The following NTM variants were observed in gnomAD, a reference collection of about 807,000 sequenced individuals.
NTM encodes neurotrimin.
NTM carries 13 observed loss-of-function variants against 42.1 expected under a neutral mutation model. The ratio of observed to expected loss-of-function variants is 0.31; its 90% CI spans 0.20 to 0.49. The LOEUF (loss-of-function observed/expected upper bound fraction) is 0.49. Among genes scored for constraint, NTM ranks in the 20% least tolerant of loss-of-function variants. The pLI, the probability that NTM is intolerant of heterozygous loss-of-function variation, is 0.99. For missense variants in NTM, 373 were observed against 452.8 expected, an observed-to-expected ratio of 0.82 and a Z score of 1.60; for synonymous variants, 187 against 179.2, an observed-to-expected ratio of 1.04 and a Z score of -0.35.
At chr11:131,463,757 T>C (rs1018720385) in intron 1 of NTM, among the ~76,000 whole-genome samples, 4 of 152,200 alleles carry the variant, frequency 2.6e-5, no homozygotes, top group Non-Finnish European at 4.4e-5. Context: ...GTGGAATCCA[T>C]GCTGGGGCAT....
At chr11:132,230,895 G>C (rs540332144) in intron 4 of NTM, among the ~76,000 whole-genome samples, 2 of 152,178 alleles carry the variant, frequency 1.3e-5, no homozygotes. Context: ...GTGGTGATGC[G>C]CACCTGCAGT....
chr11:131,586,281 C>G (rs1224661048), intron 1 of NTM, among the ~76,000 whole-genome samples: 1 of 152,074 alleles, frequency 6.6e-6, no homozygotes, highest in Non-Finnish European at 1.5e-5. Flanking sequence ...TATGTAGCCT[C>G]ATGTGATCCT....
At chr11:131,691,566 C>G (rs955127286) in intron 1 of NTM, among the ~76,000 whole-genome samples, 2 of 150,838 alleles carry the variant, frequency 1.3e-5, no homozygotes, top group Non-Finnish European at 2.9e-5. Flanking sequence ...AAGCCCCCCC[C>G]CGACTTCCCT....
At chr11:131,544,875 AGGTGGTTTGAGGAATAGGACAGGCCAC>A (rs1421589296) in intron 1 of NTM, among the ~76,000 whole-genome samples, 3 of 152,248 alleles carry the variant, frequency 2.0e-5, no homozygotes, top group East Asian at 3.9e-4. Context: ...CAGTGGGTGG[AGGTGGTTTGAGGAATAGGACAGGCCAC>A]GGTGGTTTCA....
chr11:131,697,956 C>A (rs1045870940), intron 1 of NTM, among the ~76,000 whole-genome samples: 1 of 152,094 alleles, frequency 6.6e-6, no homozygotes, highest in African/African-American at 2.4e-5. Flanking sequence ...TCTATATTTG[C>A]CTCTGTCAGG....
chr11:131,670,475 G>A (rs751263896), intron 1 of NTM, among the ~76,000 whole-genome samples: 37 of 151,988 alleles, frequency 2.4e-4, no homozygotes, highest in Non-Finnish European at 5.9e-5. Flanking sequence ...TTCTGTGGCT[G>A]TCTGTTTCGT....
At position 131,795,607 on chromosome 11, in the gene NTM, A is replaced by T; in HGVS notation, c.83-115957A>T. 3 of 985,440 alleles carry T rather than the reference A, an allele frequency of 3.0e-6. No individual in the cohort carries two copies. The South Asian group carries it at 1.4e-4, about 46-fold the overall frequency. The allele number at this position is 985,440 out of a possible 1,614,324, so 61.0% of individuals were successfully genotyped here. A position where few individuals can be genotyped will look rare whatever the true frequency, so the allele number is the denominator to read the frequency against. On this transcript the variant is annotated intron_variant, in intron 1 of 8. Transcript: ENST00000683400. ...GCGAGAACCCTGGTCCCACAGAGTCATGGGAGACCCTTGTAGGAGCTTGAT... is the reference window on the plus strand; with the variant it reads ...GCGAGAACCCTGGTCCCACAGAGTCTTGGGAGACCCTTGTAGGAGCTTGAT...
At chr11:131,838,164 C>A (rs1565613985) in intron 1 of NTM, among the ~76,000 whole-genome samples, 1 of 152,094 alleles carries the variant, frequency 6.6e-6, no homozygotes, top group African/African-American at 2.4e-5. Flanking sequence ...AAGGACGACT[C>A]GGTTCCAGCA....
intron 4 of NTM, among the ~76,000 whole-genome samples, chr11:132,296,643 C>A (rs1379440407): frequency 1.3e-5 from 2 of 152,188 alleles, no homozygotes; most frequent in Non-Finnish European, 2.9e-5. Flanking sequence ...TAATACATTG[C>A]ATTCTACCCA....
At chr11:131,767,083 G>T in intron 1 of NTM, 1 of 913,386 alleles carries the variant, frequency 1.1e-6, no homozygotes, top group Non-Finnish European at 1.3e-6. Context: ...GTCTGCTTTT[G>T]TACCTAGAAC....
intron 1 of NTM, among the ~76,000 whole-genome samples, chr11:131,557,862 A>G (rs1433821539): frequency 6.6e-6 from 1 of 152,224 alleles, no homozygotes; most frequent in Non-Finnish European, 1.5e-5. Flanking sequence ...ACTAAGCTCC[A>G]GAGTCAATCA....
chr11:131,738,006 A>G (rs1420923183), intron 1 of NTM, among the ~76,000 whole-genome samples: 3 of 152,160 alleles, frequency 2.0e-5, no homozygotes, highest in East Asian at 3.9e-4. Flanking sequence ...CACGGCTGTA[A>G]TTACACTGTA....
intron 1 of NTM, among the ~76,000 whole-genome samples, chr11:131,466,366 ACAGGTGC>A (rs1039183800): frequency 3.3e-5 from 5 of 152,166 alleles, no homozygotes; most frequent in Admixed American, 1.3e-4. Flanking sequence ...TCTTATTACA[ACAGGTGC>A]TATTATTATC....
At chr11:131,696,644 C>G (rs578225965) in intron 1 of NTM, among the ~76,000 whole-genome samples, 2 of 152,318 alleles carry the variant, frequency 1.3e-5, no homozygotes, top group African/African-American at 4.8e-5. Flanking sequence ...TACTGCTCTC[C>G]TAATGTGACT....
chr11:131,466,668 C>T (rs1269664504), intron 1 of NTM, among the ~76,000 whole-genome samples: 1 of 152,188 alleles, frequency 6.6e-6, no homozygotes, highest in Non-Finnish European at 1.5e-5. Flanking sequence ...CAGTAATTAT[C>T]TCCATGAATT....
At chr11:131,745,945 A>G (rs1193442556) in intron 1 of NTM, among the ~76,000 whole-genome samples, 1 of 152,176 alleles carries the variant, frequency 6.6e-6, no homozygotes, top group Non-Finnish European at 1.5e-5. Flanking sequence ...AAATATGCTC[A>G]TTCTCCAGCC....
intron 1 of NTM, among the ~76,000 whole-genome samples, chr11:131,614,768 G>C (rs1360078923): frequency 6.6e-6 from 1 of 152,242 alleles, no homozygotes; most frequent in African/African-American, 2.4e-5. Context: ...AACTGTTGCA[G>C]CTGCATATTG....
chr11:131,628,811 C>A (rs2137746363), intron 1 of NTM, among the ~76,000 whole-genome samples: 1 of 152,310 alleles, frequency 6.6e-6, no homozygotes, highest in Admixed American at 6.5e-5. Context: ...TTTTTAAAGA[C>A]CGAAAGGGGG....
intron 1 of NTM, among the ~76,000 whole-genome samples, chr11:131,831,502 A>C (rs1183944888): frequency 6.6e-6 from 1 of 152,160 alleles, no homozygotes; most frequent in Non-Finnish European, 1.5e-5. Flanking sequence ...TCACATGTGC[A>C]TTCTAGTGGG....
Sources: allele counts gnomAD v4.1 joint callset (sites outside exome capture counted in the v4.1 genomes callset), GRCh38; gene constraint gnomAD v4.1.1; transcripts MANE v1.5; gene names NCBI Gene and HGNC (gene_info 2026-07-23, HGNC 2026-07-21).